Variants in GREM2 observed in about 807,000 individuals in gnomAD.
GREM2 encodes the protein gremlin 2, DAN family BMP antagonist.
In GREM2, 11 loss-of-function variants were observed where a neutral mutation model predicts 14.2. The ratio of observed to expected loss-of-function variants is 0.78; its 90% CI spans 0.49 to 1.28. GREM2 has a LOEUF of 1.28. Among genes scored for constraint, GREM2 ranks in the 50% most tolerant of loss-of-function variants. The probability of loss-of-function intolerance (pLI) is 0.00; values close to 1 mark genes in which losing one functional copy is unlikely to be tolerated. For synonymous variants in GREM2, 98 were observed against 97.6 expected (o/e 1.00, Z -0.02); for missense variants, 210 against 218.5 (o/e 0.96, Z 0.24).
At chr1:240,539,376 C>T (rs1452374196) in intron 1 of GREM2, among the ~76,000 whole-genome samples, 1 of 152,134 alleles carries the variant, frequency 6.6e-6, no homozygotes, top group African/African-American at 2.4e-5. Flanking sequence ...AGTGACCCAT[C>T]TAAAATTAAA....
At chr1:240,544,442 T>C (rs577991080) in intron 1 of GREM2, among the ~76,000 whole-genome samples, 44 of 152,168 alleles carry the variant, frequency 2.9e-4, no homozygotes, top group South Asian at 8.3e-4. Context: ...CCACCGCGCC[T>C]GGCCAGTACT....
intron 1 of GREM2, among the ~76,000 whole-genome samples, chr1:240,563,127 GTA>G (rs1411232712): frequency 6.7e-6 from 1 of 150,016 alleles, no homozygotes; most frequent in African/African-American, 2.5e-5. Context: ...ATGTGAGTGT[GTA>G]TGTGTATGTG....
intron 1 of GREM2, among the ~76,000 whole-genome samples, chr1:240,495,635 G>A (rs958154300): frequency 1.3e-5 from 2 of 152,158 alleles, no homozygotes; most frequent in African/African-American, 4.8e-5. Context: ...GGCATTGACA[G>A]GCTGCCAAGA....
In GREM2 at chr1:240,542,335, C is replaced by T. The variant is rs187188731; in HGVS notation, c.-1-48859G>A. Among the ~76,000 whole-genome samples the T allele has an allele frequency of 4.5e-4, 69 of 151,716 alleles. No homozygotes were observed. The highest frequency in any genetic ancestry group is 1.5e-3 in the African/African-American group (61 of 41,336). On this transcript the variant is annotated intron_variant, in intron 1 of 1. Transcript: ENST00000318160. The surrounding 1 kb of genome is among the most constrained non-coding windows in gnomAD (Gnocchi z 4.1). The stretch of plus-strand genomic sequence containing the variant: ...AGGAGCTGAGCCGGGCACGGTGGCT[C>T]ACGGCTCACGTCTAATCCCAGTACT...
intron 1 of GREM2, among the ~76,000 whole-genome samples, chr1:240,519,400 T>G (rs1176318395): frequency 6.6e-6 from 1 of 152,038 alleles, no homozygotes; most frequent in African/African-American, 2.4e-5. Context: ...TCATGCTTCA[T>G]CTCTATCCTG....
intron 1 of GREM2, among the ~76,000 whole-genome samples, chr1:240,507,041 T>C (rs936844533): frequency 1.4e-4 from 21 of 152,218 alleles, no homozygotes; most frequent in African/African-American, 2.7e-4. Context: ...GTATTCACCA[T>C]GATAGAGAAT....
intron 1 of GREM2, among the ~76,000 whole-genome samples, chr1:240,521,439 G>C (rs74704767): frequency 0.019 from 2,909 of 149,614 alleles, 43 homozygotes; most frequent in African/African-American, 0.029. Context: ...GGCATGGTGA[G>C]GGGCGACTGT....
chr1:240,497,396 T>C (rs1053132884), intron 1 of GREM2, among the ~76,000 whole-genome samples: 4 of 152,126 alleles, frequency 2.6e-5, no homozygotes, highest in Non-Finnish European at 5.9e-5. Flanking sequence ...TCTGTATTTC[T>C]AAAAATTGCC....
chr1:240,494,061 T>G (rs61243266), intron 1 of GREM2, among the ~76,000 whole-genome samples: 4,237 of 152,330 alleles, frequency 0.028, 103 homozygotes, highest in African/African-American at 0.064. Flanking sequence ...ACAAAGCAAA[T>G]GCTGGGAAGA....
chr1:240,504,724 AAAATTAAAGGAG>A (rs1677643912), intron 1 of GREM2, among the ~76,000 whole-genome samples: 1 of 152,228 alleles, frequency 6.6e-6, no homozygotes, highest in Admixed American at 6.5e-5. Context: ...TCTTTAAACC[AAAATTAAAGGAG>A]AATCTAATTA....
In GREM2 at chr1:240,589,577, G is replaced by A. The variant is rs547363189; in HGVS notation, c.-2+22307C>T. On this transcript the variant is annotated intron_variant, in intron 1 of 1. Transcript: ENST00000318160. ...CCCAGTATCTCTTCTACTTTCTTTG[G>A]TACCTAAGGGTGCCTTGTTCCTATG... is the stretch of plus-strand genomic sequence containing the variant. Among the ~76,000 whole-genome samples, 5 of 151,292 alleles carry A rather than the reference G, an allele frequency of 3.3e-5. No homozygotes were observed. In the East Asian group the frequency reaches 9.7e-4, roughly 29 times the overall value.
chr1:240,568,538 T>C (rs1370970704), intron 1 of GREM2, among the ~76,000 whole-genome samples: 3 of 152,160 alleles, frequency 2.0e-5, no homozygotes, highest in African/African-American at 7.2e-5. Context: ...GAAAGATCTT[T>C]CTAGATTGGA....
At chr1:240,608,208 A>G (rs1248196287) in intron 1 of GREM2, among the ~76,000 whole-genome samples, 2 of 152,212 alleles carry the variant, frequency 1.3e-5, no homozygotes, top group African/African-American at 2.4e-5. Flanking sequence ...AGATGTGTCT[A>G]CTCTAATCTG....
In GREM2 at chr1:240,588,670, C is replaced by T. The variant is rs148881006; in HGVS notation, c.-2+23214G>A. On this transcript the variant is annotated intron_variant, in intron 1 of 1. Transcript: ENST00000318160. ...CTGAACCGGAACCTATGTTTGTTGA[C>T]CAGACAACTGTACCTCTACAAAATG... The T allele has an allele frequency of 3.6e-3, 554 of 152,220 alleles. 4 individuals are homozygous for T. The highest frequency in any genetic ancestry group is 0.013 in the African/African-American group (532 of 41,542). The allele number at this position is 152,220 out of a possible 1,614,324, so 9.4% of individuals were successfully genotyped here. A position where few individuals can be genotyped will look rare whatever the true frequency, so the allele number is the denominator to read the frequency against.
rs1429368195 is a variant in GREM2, at chr1:240,543,679, T to A, written c.-1-50203A>T. ...GAACAAAGCATACCTTTTAAAAAAA[T>A]TGATGTAAACACAAAATATATCATC... On this transcript the variant is annotated intron_variant, in intron 1 of 1. Coordinates refer to ENST00000318160, the MANE Select transcript of GREM2 (RefSeq NM_022469.4). The surrounding 1 kb of genome is among the most constrained non-coding windows in gnomAD (Gnocchi z 6.4). 6.6e-6 allele frequency among the ~76,000 whole-genome samples: 1 copy of A among 152,198 alleles called. No individual in the cohort carries two copies. The highest frequency in any genetic ancestry group is 1.5e-5 in the Non-Finnish European group (1 of 68,038).
intron 1 of GREM2, among the ~76,000 whole-genome samples, chr1:240,601,832 G>A (rs1320735185): frequency 1.3e-5 from 2 of 151,318 alleles, no homozygotes; most frequent in East Asian, 2.0e-4. Context: ...GCTTGAACCC[G>A]GGAGGCGGAG....
intron 1 of GREM2, among the ~76,000 whole-genome samples, chr1:240,510,600 G>A (rs2103290012): frequency 6.6e-6 from 1 of 152,172 alleles, no homozygotes; most frequent in Admixed American, 6.5e-5. Context: ...CCACTGAATT[G>A]TACACCTAAG....
chr1:240,550,655 G>A (rs1045373024), intron 1 of GREM2, among the ~76,000 whole-genome samples: 8 of 152,292 alleles, frequency 5.3e-5, no homozygotes, highest in Admixed American at 5.2e-4. Context: ...ATCTTCAGTA[G>A]TCAATTTAGA....
At position 240,493,443 on chromosome 1, in the gene GREM2, C is replaced by T. The variant is rs756547311; in HGVS notation, c.33G>A (p.Leu11=). The T allele has an allele frequency of 1.2e-6, 2 of 1,610,762 alleles. No individual in the cohort carries two copies. The highest frequency in any genetic ancestry group is 1.7e-6 in the Non-Finnish European group (2 of 1,178,432). Reference sequence around the variant, plus strand: ...CCGCCACCTTCACCAGCACCGCCACCAGGAACAAGGACAGGGAAAGCTTCC... The same window carrying T: ...CCGCCACCTTCACCAGCACCGCCACTAGGAACAAGGACAGGGAAAGCTTCC... MFWKLSLSLF[L]VAVLVKVAEA... is the part of the protein sequence containing the mutation. The change falls in exon 2 of 2, where the codon CTG becomes CTA. Residue 11 remains leucine, a synonymous_variant. Transcript: ENST00000318160.
Sources: gnomAD v4.1 joint callset for allele counts (sites outside exome capture counted in the v4.1 genomes callset) on GRCh38, gnomAD v4.1.1 for gene constraint, Gnocchi (gnomAD v3.1) non-coding constraint, MANE v1.5 for transcripts, NCBI Gene and HGNC (gene_info 2026-07-23, HGNC 2026-07-21) for gene names.